GCNT4: variants seen among roughly 807,000 people sequenced by gnomAD.
GCNT4 encodes beta-1,3-galactosyl-O-glycosyl-glycoprotein beta-1,6-N-acetylglucosaminyltransferase 4.
GCNT4 carries 17 observed loss-of-function variants against 31.3 expected under a neutral mutation model. The observed-to-expected ratio is 0.54, with a 90% CI of 0.37 to 0.81. The LOEUF (loss-of-function observed/expected upper bound fraction) is 0.81, where lower values mean the gene tolerates loss of function less well. Ranked by LOEUF, GCNT4 falls within the 40% of genes least tolerant of loss-of-function variation. GCNT4 has a pLI of 0.00. For synonymous variants in GCNT4, 158 were observed against 190.6 expected, an observed-to-expected ratio of 0.83 and a Z score of 1.41; for missense variants, 503 against 525.5, an observed-to-expected ratio of 0.96 and a Z score of 0.42.
rs764132100 is a variant in GCNT4, at chr5:75,029,973, G to A, written c.65C>T (p.Thr22Ile). The change falls in exon 4 of 4, where the codon ACC (threonine) becomes ATC (isoleucine). Residue 22 changes from threonine to isoleucine, a missense_variant. By Grantham distance (89) the Thr-to-Ile change is moderately conservative. Transcript: ENST00000652361. ...CTTTAACAAAGAGAGCAGCCATAGG[G>A]TTAAAAACAGGATGAAAACTTTCTG... ...LQQKVFILFLTLWLLSLLKLL... is the reference protein window; with the variant it reads ...LQQKVFILFLILWLLSLLKLL... 1 of 1,612,878 alleles carries A rather than the reference G, an allele frequency of 6.2e-7. No individual in the cohort carries two copies. The highest frequency in any genetic ancestry group is 8.5e-7 in the Non-Finnish European group (1 of 1,179,744).
Position 75,029,264 on chromosome 5 carries a change from T to C in GCNT4, c.774A>G (p.Pro258=), listed in dbSNP as rs377659370. The change falls in exon 4 of 4, where the codon CCA becomes CCG. Residue 258 remains proline (P), a synonymous_variant. Transcript: ENST00000652361. ...AAGTGAATCTTTCCAATTTACTGTT[T>C]GGGGGTTTCACCGTCTCCAACATAT... ...GANMLETVKP[P]NSKLERFTYH... is the part of the protein sequence containing the mutation. 26 of 1,614,028 alleles carry C rather than the reference T, an allele frequency of 1.6e-5. No individual in the cohort carries two copies. Among genetic ancestry groups the C allele is most frequent in the Non-Finnish European group, 2.0e-5 (24 of 1,180,026 alleles).
At chr5:75,039,013 C>T (rs1743260097) in intron 3 of GCNT4, among the ~76,000 whole-genome samples, 1 of 152,204 alleles carries the variant, frequency 6.6e-6, no homozygotes, top group Non-Finnish European at 1.5e-5. Flanking sequence ...CGACACATAC[C>T]TGTCCCTTCC....
rs1321187237 is a variant in GCNT4 at position 75,048,004 on chromosome 5, C to G, written c.-109G>C. 1 of 152,164 alleles carries G rather than the reference C, an allele frequency of 6.6e-6. No homozygotes were observed. Among genetic ancestry groups the G allele is most frequent in the Non-Finnish European group, 1.5e-5 (1 of 68,042 alleles). The allele number at this position is 152,164 out of a possible 1,614,324, so 9.4% of individuals were successfully genotyped here. ...GGTGCTACAGATGGCTGTACTGGGACAGTGACCGAGGATGTAGTTCTAGAA... is the reference window on the plus strand; with the variant it reads ...GGTGCTACAGATGGCTGTACTGGGAGAGTGACCGAGGATGTAGTTCTAGAA... On this transcript the variant is annotated 5_prime_UTR_variant, in exon 3 of 4. Coordinates refer to ENST00000652361, the MANE Select transcript of GCNT4 (RefSeq NM_001366737.1).
At chr5:75,024,610 G>T (rs1742920026), downstream of GCNT4, among the ~76,000 whole-genome samples, 2 of 152,142 alleles carry the variant, frequency 1.3e-5, no homozygotes, top group African/African-American at 4.8e-5. Flanking sequence ...CCACCAGCAA[G>T]GCCTGGGGAC....
chr5:75,026,669 A>C lies in GCNT4; in HGVS notation c.*2007T>G, dbSNP rs1027202223. The C allele has an allele frequency of 6.7e-6, 1 of 149,874 alleles. No homozygotes were observed. The highest frequency in any genetic ancestry group is 2.5e-5 in the African/African-American group (1 of 39,780). 9.3% of individuals were successfully genotyped at this position (149,874 alleles called of 1,614,324 possible). Reference sequence around the variant, plus strand: ...TCACAAAAAAAAAAAAAAAAAAAAAAAAACACTTGTGTGGAAGCAAGGATA... The same window carrying C: ...TCACAAAAAAAAAAAAAAAAAAAAACAAACACTTGTGTGGAAGCAAGGATA... On this transcript the variant is annotated 3_prime_UTR_variant, in exon 4 of 4. Coordinates refer to ENST00000652361, the MANE Select transcript of GCNT4 (RefSeq NM_001366737.1).
intron 2 of GCNT4, among the ~76,000 whole-genome samples, chr5:75,050,813 C>T (rs1743552672): frequency 6.6e-6 from 1 of 152,214 alleles, no homozygotes; most frequent in Non-Finnish European, 1.5e-5. Flanking sequence ...ACGTGTCATC[C>T]CTACTGGCAC....
intron 3 of GCNT4, among the ~76,000 whole-genome samples, chr5:75,035,299 A>T (rs1163703885): frequency 6.6e-6 from 1 of 152,258 alleles, no homozygotes; most frequent in Non-Finnish European, 1.5e-5. Context: ...AGAAGTACAG[A>T]TGCTTCCTTT....
chr5:75,049,345 A>T (rs896126766), intron 2 of GCNT4, among the ~76,000 whole-genome samples: 1 of 152,164 alleles, frequency 6.6e-6, no homozygotes, highest in Non-Finnish European at 1.5e-5. Flanking sequence ...AAACTTCATA[A>T]CATATTAAGT....
intron 3 of GCNT4, among the ~76,000 whole-genome samples, chr5:75,036,764 C>G (rs917942951): frequency 6.6e-6 from 1 of 152,164 alleles, no homozygotes. Flanking sequence ...TCTTCCAGCC[C>G]GTAGAATCAA....
At chr5:75,031,421 C>A (rs926162130) in intron 3 of GCNT4, among the ~76,000 whole-genome samples, 1 of 152,260 alleles carries the variant, frequency 6.6e-6, no homozygotes. Flanking sequence ...GCTCTGTGGG[C>A]CATATTGTCT....
At chr5:75,050,506 CAGGATTCAGACCACACCCCTCGTACAG>C (rs909380657) in intron 2 of GCNT4, among the ~76,000 whole-genome samples, 33 of 152,222 alleles carry the variant, frequency 2.2e-4, no homozygotes, top group Non-Finnish European at 3.4e-4. Context: ...CCATCCACCC[CAGGATTCAGACCACACCCCTCGTACAG>C]AGGACCACCA....
intron 3 of GCNT4, among the ~76,000 whole-genome samples, chr5:75,046,455 C>T (rs944805192): frequency 1.3e-5 from 2 of 152,132 alleles, no homozygotes; most frequent in Admixed American, 6.5e-5. Flanking sequence ...GGTCCTGGGC[C>T]GAACTGTCCC....
Position 75,028,546 on chromosome 5 carries a change from G to A in GCNT4, c.*130C>T, listed in dbSNP as rs1474249353. 6.0e-6 allele frequency: 5 copies of A among 831,606 alleles called. No individual in the cohort carries two copies. The highest frequency in any genetic ancestry group is 5.3e-5 in the East Asian group (2 of 37,770). The allele number at this position is 831,606 out of a possible 1,614,324, so 51.5% of individuals were successfully genotyped here. A position where few individuals can be genotyped will look rare whatever the true frequency, so the allele number is the denominator to read the frequency against. Reference sequence around the variant, plus strand: ...CAAAGGCTAGATCACTTTCCCTTGTGTATGGAATTTTGGACACCTTTTAAA... The same window carrying A: ...CAAAGGCTAGATCACTTTCCCTTGTATATGGAATTTTGGACACCTTTTAAA... On this transcript the variant is annotated 3_prime_UTR_variant, in exon 4 of 4. Transcript: ENST00000652361.
chr5:75,046,459 C>A (rs1197894175), intron 3 of GCNT4, among the ~76,000 whole-genome samples: 2 of 152,214 alleles, frequency 1.3e-5, no homozygotes, highest in African/African-American at 4.8e-5. Flanking sequence ...CTGGGCCGAA[C>A]TGTCCCCCCT....
At chr5:75,053,185 A>C (rs769013158), upstream of GCNT4, among the ~76,000 whole-genome samples, 1 of 150,832 alleles carries the variant, frequency 6.6e-6, no homozygotes, top group South Asian at 2.1e-4. Flanking sequence ...TGCCGCGGGG[A>C]GCCCCGAAGT....
rs759069238 is a variant in GCNT4 at position 75,029,015 on chromosome 5, G to C, written c.1023C>G (p.Thr341=). The change falls in exon 4 of 4, where the codon ACC becomes ACG. Residue 341 remains threonine (T), a synonymous_variant. Coordinates refer to ENST00000652361, the MANE Select transcript of GCNT4 (RefSeq NM_001366737.1). ...TYSPDEHFWA[T]LIRVPGIPGE... ...CAGGTATTCCTGGAACCCGAATCAA[G>C]GTAGCCCAAAAGTGCTCATCAGGAG... is the stretch of plus-strand genomic sequence containing the variant. The C allele has an allele frequency of 1.2e-6, 2 of 1,613,956 alleles. No homozygotes were observed. Among genetic ancestry groups the C allele is most frequent in the East Asian group, 4.5e-5 (2 of 44,892 alleles).
downstream of GCNT4, among the ~76,000 whole-genome samples, chr5:75,023,461 G>C (rs1742904318): frequency 6.6e-6 from 1 of 152,170 alleles, no homozygotes; most frequent in Non-Finnish European, 1.5e-5. Context: ...TGCATCATAA[G>C]GAAGTAATTC....
At chr5:75,022,829 A>G (rs1021275581), downstream of GCNT4, among the ~76,000 whole-genome samples, 1 of 152,244 alleles carries the variant, frequency 6.6e-6, no homozygotes, top group African/African-American at 2.4e-5. Flanking sequence ...TCCCTGCCAT[A>G]TAACTCCCAT....
At chr5:75,042,686 A>C (rs1580244245) in intron 3 of GCNT4, among the ~76,000 whole-genome samples, 1 of 152,192 alleles carries the variant, frequency 6.6e-6, no homozygotes, top group South Asian at 2.1e-4. Context: ...GTTTTAAGTC[A>C]TGAGAAGAGC....
Sources: allele counts gnomAD v4.1 joint callset (sites outside exome capture counted in the v4.1 genomes callset), GRCh38; gene constraint gnomAD v4.1.1; transcripts MANE v1.5; gene names NCBI Gene and HGNC (gene_info 2026-07-23, HGNC 2026-07-21).